The following S100Z variants were observed in gnomAD, a reference collection of about 807,000 sequenced individuals.
The protein encoded by S100Z is S100 calcium binding protein Z.
S100Z carries 11 observed loss-of-function variants against 8.5 expected under a neutral mutation model. The observed-to-expected ratio is 1.30, with a 90% confidence interval of 0.82 to 2.15. S100Z has a LOEUF of 2.15. Ranked by LOEUF, S100Z falls within the 30% of genes most tolerant of loss-of-function variation. S100Z has a pLI of 0.00. For missense variants in S100Z, 126 were observed against 117.9 expected (o/e 1.07, Z -0.32); for synonymous variants, 34 against 43.8 (o/e 0.78, Z 0.89).
the S100Z span, among the ~76,000 whole-genome samples, chr5:76,949,670 A>G: frequency 6.6e-6 from 1 of 152,200 alleles, no homozygotes; most frequent in Non-Finnish European, 1.5e-5. Flanking sequence ...CATGGATGAA[A>G]CTTGAGGACA....
rs181162300 is a variant in S100Z at position 76,858,603 on chromosome 5, C to G, written c.-176+8448C>G. ...CCCATCATCCATTGTCCTGCCTGGA[C>G]GATGACAAGTAGGGTGGGGGCTAAT... On this transcript the variant is annotated intron_variant, in intron 1 of 4. Coordinates refer to ENST00000317593, the MANE Select transcript of S100Z (RefSeq NM_130772.4). 7.0e-4 allele frequency among the ~76,000 whole-genome samples: 106 copies of G among 151,988 alleles called. 1 individual carries two copies. Among genetic ancestry groups the G allele is most frequent in the Non-Finnish European group, 1.9e-4 (13 of 67,998 alleles).
chr5:76,922,190 ACT>A (rs548782475), downstream of S100Z, among the ~76,000 whole-genome samples: 2 of 151,766 alleles, frequency 1.3e-5, no homozygotes, highest in Non-Finnish European at 2.9e-5. Flanking sequence ...ATAGGGAGAG[ACT>A]CTCTCTGGAA....
At chr5:76,903,890 A>G (rs1554039338) in intron 4 of S100Z, among the ~76,000 whole-genome samples, 2 of 150,420 alleles carry the variant, frequency 1.3e-5, no homozygotes, top group Non-Finnish European at 3.0e-5. Context: ...ACGCCTGGCT[A>G]TTTTTTTTGT....
At chr5:76,871,747 G>T (rs1309181308) in intron 2 of S100Z, among the ~76,000 whole-genome samples, 3 of 151,942 alleles carry the variant, frequency 2.0e-5, no homozygotes, top group Admixed American at 2.0e-4. Flanking sequence ...AGCTGGTCTC[G>T]AACTCCTTAC....
chr5:76,866,647 G>T (rs1481270278), intron 1 of S100Z, among the ~76,000 whole-genome samples: 1 of 152,102 alleles, frequency 6.6e-6, no homozygotes, highest in Non-Finnish European at 1.5e-5. Flanking sequence ...TTGCATTACA[G>T]TTGCCTGCAG....
intron 1 of S100Z, among the ~76,000 whole-genome samples, chr5:76,861,527 C>CTAATTTTTGTATTTTTA (rs1459918651): frequency 2.0e-5 from 3 of 152,052 alleles, no homozygotes; most frequent in African/African-American, 7.2e-5. Flanking sequence ...TTAGTAGAGA[C>CTAATTTTTGTATTTTTA]GGGGTTTCGC....
At chr5:76,924,909 T>C (rs958557454), downstream of S100Z, among the ~76,000 whole-genome samples, 2 of 77,310 alleles carry the variant, frequency 2.6e-5, no homozygotes, top group African/African-American at 1.7e-4. Flanking sequence ...CGAGACTCTG[T>C]CTCAAAAAAA....
intron 4 of S100Z, among the ~76,000 whole-genome samples, chr5:76,890,516 G>A (rs1743819392): frequency 6.6e-6 from 1 of 152,104 alleles, no homozygotes; most frequent in Non-Finnish European, 1.5e-5. Context: ...CTGATGTGGT[G>A]ACGTGCACCT....
At position 76,885,827 on chromosome 5, in the gene S100Z, G is replaced by A. The variant is rs562839476; in HGVS notation, c.*2+7993G>A. Reference sequence around the variant, plus strand: ...CCCAGAAAAGTGGAGAGAAAAGACAGTAGAGGCACGGAGAGAAGGGGTGGG... The same window carrying A: ...CCCAGAAAAGTGGAGAGAAAAGACAATAGAGGCACGGAGAGAAGGGGTGGG... On this transcript the variant is annotated intron_variant, in intron 4 of 4. Coordinates refer to ENST00000317593, the MANE Select transcript of S100Z (RefSeq NM_130772.4). 3.4e-4 allele frequency among the ~76,000 whole-genome samples: 51 copies of A among 149,608 alleles called. 1 individual carries two copies. Among genetic ancestry groups the A allele is most frequent in the Middle Eastern group, 7.5e-3 (2 of 266 alleles).
At chr5:76,918,915 CATA>C (rs1245329720) in intron 4 of S100Z, among the ~76,000 whole-genome samples, 1 of 152,210 alleles carries the variant, frequency 6.6e-6, no homozygotes, top group Admixed American at 6.5e-5. Context: ...TTGTCTTTTT[CATA>C]ATGTCATATA....
At chr5:76,932,348 A>T in the S100Z span, among the ~76,000 whole-genome samples, 18 of 152,106 alleles carry the variant, frequency 1.2e-4, no homozygotes, top group African/African-American at 3.1e-4. Flanking sequence ...ATGAGACCGA[A>T]GTGAAGACTT....
chr5:76,862,802 C>T (rs1005349280), intron 1 of S100Z, among the ~76,000 whole-genome samples: 5 of 151,772 alleles, frequency 3.3e-5, no homozygotes, highest in Non-Finnish European at 5.9e-5. Flanking sequence ...ACTTGTGACC[C>T]CATCGCGAAA....
intron 1 of S100Z, among the ~76,000 whole-genome samples, chr5:76,856,314 G>A (rs749730885): frequency 9.9e-5 from 15 of 152,206 alleles, no homozygotes; most frequent in South Asian, 4.1e-4. Flanking sequence ...ATTCTCCTGC[G>A]TCAGCTTCTT....
chr5:76,921,519 A>T lies in S100Z; in HGVS notation c.*805A>T, dbSNP rs1261572048. On this transcript the variant is annotated 3_prime_UTR_variant, in exon 5 of 5. Transcript: ENST00000317593. ...TTGTGAGAGTTAACGATTATTTAAA[A>T]GTATTCATAATTTTCTGATAATAAA... is the stretch of plus-strand genomic sequence containing the variant. 1 of 152,240 alleles carries T rather than the reference A, an allele frequency of 6.6e-6. No homozygotes were observed. The highest frequency in any genetic ancestry group is 1.5e-5 in the Non-Finnish European group (1 of 68,040). The allele number at this position is 152,240 out of a possible 1,614,324, so 9.4% of individuals were successfully genotyped here.
At chr5:76,879,899 G>T (rs2150646352) in intron 4 of S100Z, among the ~76,000 whole-genome samples, 2 of 152,264 alleles carry the variant, frequency 1.3e-5, no homozygotes, top group South Asian at 4.2e-4. Context: ...GAAGGTGGAG[G>T]TTGTCTCACG....
the S100Z span, among the ~76,000 whole-genome samples, chr5:76,938,346 A>T: frequency 1.3e-5 from 2 of 152,192 alleles, no homozygotes; most frequent in African/African-American, 2.4e-5. Flanking sequence ...AGGTTAGAGT[A>T]GTATTTTATG....
intron 4 of S100Z, among the ~76,000 whole-genome samples, chr5:76,912,358 T>G (rs1378825130): frequency 6.6e-6 from 1 of 152,202 alleles, no homozygotes; most frequent in Non-Finnish European, 1.5e-5. Flanking sequence ...CCACCCGAGA[T>G]GATCTCTTAG....
At chr5:76,942,260 C>T in the S100Z span, among the ~76,000 whole-genome samples, 18 of 151,768 alleles carry the variant, frequency 1.2e-4, no homozygotes, top group Admixed American at 1.1e-3. Flanking sequence ...TATAGGCGCC[C>T]GCCACCATGC....
In S100Z at chr5:76,892,210, G is replaced by A. The variant is rs546043215; in HGVS notation, c.*2+14376G>A. 3.9e-5 allele frequency among the ~76,000 whole-genome samples: 6 copies of A among 152,224 alleles called. No homozygotes were observed. The East Asian group carries it at 7.7e-4, about 20-fold the overall frequency. Reference sequence around the variant, plus strand: ...AATGGTGATACAGTAAACATCTCTGGTCCAGCCCAGACTTGGCAGAACAAG... The same window carrying A: ...AATGGTGATACAGTAAACATCTCTGATCCAGCCCAGACTTGGCAGAACAAG... On this transcript the variant is annotated intron_variant, in intron 4 of 4. Coordinates refer to ENST00000317593, the MANE Select transcript of S100Z (RefSeq NM_130772.4).
Sources: gnomAD v4.1 joint callset for allele counts (sites outside exome capture counted in the v4.1 genomes callset) on GRCh38, gnomAD v4.1.1 for gene constraint, MANE v1.5 for transcripts, NCBI Gene and HGNC (gene_info 2026-07-23, HGNC 2026-07-21) for gene names.